Variants in STEAP4 observed in about 807,000 individuals in gnomAD.
STEAP4 encodes metalloreductase STEAP4.
A neutral mutation model predicts 43.6 loss-of-function variants in STEAP4; 36 were observed. The observed-to-expected ratio is 0.83, with a 90% CI of 0.63 to 1.09. The LOEUF is 1.09. Ranked by LOEUF, STEAP4 falls within the 50% of genes least tolerant of loss-of-function variation. STEAP4 has a pLI of 0.00. For missense variants in STEAP4, 495 were observed against 546.5 expected (o/e 0.91, Z 0.94); for synonymous variants, 191 against 196.7 (o/e 0.97, Z 0.24).
At position 88,282,969 on chromosome 7, in the gene STEAP4, A is replaced by G; in HGVS notation, c.656T>C (p.Val219Ala). The change falls in exon 3 of 5, where the codon GTT (valine) becomes GCT (alanine). Residue 219 changes from valine (V) to alanine (A), a missense_variant. Coordinates refer to ENST00000380079, the MANE Select transcript of STEAP4 (RefSeq NM_024636.4). ...ATAAGGGTAGATTACGTCTCTTATAACACAATAGAAAAACAAGAAGACACA... is the reference window on the plus strand; with the variant it reads ...ATAAGGGTAGATTACGTCTCTTATAGCACAATAGAAAAACAAGAAGACACA... ...VLCVFLFFYC[V>A]IRDVIYPYVY... The G allele has an allele frequency of 1.2e-6, 2 of 1,613,574 alleles. No individual in the cohort carries two copies. The highest frequency in any genetic ancestry group is 1.7e-6 in the Non-Finnish European group (2 of 1,179,764).
At position 88,283,813 on chromosome 7, in the gene STEAP4, C is replaced by T; in HGVS notation, c.456+1G>A. The T allele has an allele frequency of 6.2e-7, 1 of 1,608,078 alleles. No homozygotes were observed. Reference sequence around the variant, plus strand: ...TTGAGTGTAAATTTGTTTATTCTTACCTGCCGACTTGCATCCAGTGCTCCT... The same window carrying T: ...TTGAGTGTAAATTTGTTTATTCTTATCTGCCGACTTGCATCCAGTGCTCCT... On this transcript the variant is annotated splice_donor_variant, in intron 2 of 4. Coordinates refer to ENST00000380079, the MANE Select transcript of STEAP4 (RefSeq NM_024636.4). LOFTEE classifies it high-confidence loss of function.
intron 1 of STEAP4, among the ~76,000 whole-genome samples, chr7:88,294,277 G>A (rs902348251): frequency 1.1e-4 from 17 of 152,032 alleles, no homozygotes; most frequent in Admixed American, 7.2e-4. Context: ...CCTATTAAAC[G>A]GTTTGTATAA....
chr7:88,282,594 A>G (rs1165493213), intron 3 of STEAP4, 47 bp downstream of exon 3: 2 of 1,509,212 alleles, frequency 1.3e-6, no homozygotes, highest in Admixed American at 3.6e-5. Context: ...ATGTAGCAAT[A>G]GTCTCTGATT....
chr7:88,300,193 T>C (rs1403977965), intron 1 of STEAP4, among the ~76,000 whole-genome samples: 1 of 152,206 alleles, frequency 6.6e-6, no homozygotes, highest in Non-Finnish European at 1.5e-5. Flanking sequence ...CTCTTTCTTT[T>C]TAGTTTCAAG....
At chr7:88,290,657 ATTG>A (rs1852819851) in intron 1 of STEAP4, among the ~76,000 whole-genome samples, 1 of 152,150 alleles carries the variant, frequency 6.6e-6, no homozygotes, top group Non-Finnish European at 1.5e-5. Flanking sequence ...GCTGAAACTC[ATTG>A]TGCAACCCTT....
At position 88,273,065 on chromosome 7, in the gene STEAP4, A is replaced by G. The variant is rs1852460381; in HGVS notation, c.*6333T>C. 6.6e-6 allele frequency: 1 copy of G among 152,254 alleles called. No individual in the cohort carries two copies. The highest frequency in any genetic ancestry group is 2.1e-4 in the South Asian group (1 of 4,834). 9.4% of individuals were successfully genotyped at this position (152,254 alleles called of 1,614,324 possible). A position where few individuals can be genotyped will look rare whatever the true frequency, so the allele number is the denominator to read the frequency against. On this transcript the variant is annotated 3_prime_UTR_variant, in exon 5 of 5. Transcript: ENST00000380079. Reference sequence around the variant, plus strand: ...TATGTATGTACAATGTATAGTGATCAGATCAGTGTAATTAGCATATCCATC... The same window carrying G: ...TATGTATGTACAATGTATAGTGATCGGATCAGTGTAATTAGCATATCCATC...
chr7:88,286,254 T>A (rs1406879445), intron 1 of STEAP4, among the ~76,000 whole-genome samples: 1 of 152,206 alleles, frequency 6.6e-6, no homozygotes, highest in Non-Finnish European at 1.5e-5. Context: ...ACTGATAACA[T>A]ATACTGAGGC....
At chr7:88,296,638 C>T (rs577587484) in intron 1 of STEAP4, among the ~76,000 whole-genome samples, 187 of 152,218 alleles carry the variant, frequency 1.2e-3, no homozygotes, top group Non-Finnish European at 2.3e-3. Flanking sequence ...GCAACTATAT[C>T]AGTCTTCTTG....
chr7:88,292,265 T>C (rs1041143498), intron 1 of STEAP4: 2 of 152,010 alleles, frequency 1.3e-5, no homozygotes, highest in African/African-American at 4.8e-5. Flanking sequence ...ATGAGGATGT[T>C]AGAGCCAGCC....
intron 1 of STEAP4, among the ~76,000 whole-genome samples, chr7:88,299,204 A>G (rs1394677853): frequency 2.0e-5 from 3 of 152,224 alleles, no homozygotes; most frequent in Non-Finnish European, 4.4e-5. Flanking sequence ...TTCTAGTTCA[A>G]TTAAAAATCT....
chr7:88,306,529 A>C (rs576991291), intron 1 of STEAP4, among the ~76,000 whole-genome samples: 5 of 152,342 alleles, frequency 3.3e-5, no homozygotes, highest in African/African-American at 1.2e-4. Flanking sequence ...GCAGAGAAGA[A>C]TCTAACCCCT....
chr7:88,279,158 TG>T lies in STEAP4; in HGVS notation c.*239del. On this transcript the variant is annotated 3_prime_UTR_variant, in exon 5 of 5. Coordinates refer to ENST00000380079, the MANE Select transcript of STEAP4 (RefSeq NM_024636.4). ...GTCTCAATCTCAGCTCCATGGCCTCTGGGAAAATAAGAGTCAGGGACCTGCA... is the reference window on the plus strand; with the variant it reads ...GTCTCAATCTCAGCTCCATGGCCTCTGGAAAATAAGAGTCAGGGACCTGCA... 2.0e-6 allele frequency: 1 copy of T among 502,706 alleles called. No homozygotes were observed. Among genetic ancestry groups the T allele is most frequent in the Non-Finnish European group, 3.6e-6 (1 of 278,938 alleles). 31.1% of individuals were successfully genotyped at this position (502,706 alleles called of 1,614,324 possible).
intron 1 of STEAP4, among the ~76,000 whole-genome samples, chr7:88,289,496 G>A (rs1233855865): frequency 6.6e-6 from 1 of 152,112 alleles, no homozygotes; most frequent in Non-Finnish European, 1.5e-5. Flanking sequence ...TTTTCCTGGG[G>A]TTTCAGAAAT....
intron 1 of STEAP4, among the ~76,000 whole-genome samples, chr7:88,286,595 C>T (rs2115972610): frequency 6.6e-6 from 1 of 152,222 alleles, no homozygotes; most frequent in Middle Eastern, 3.4e-3. Context: ...GCCTATAGTC[C>T]CAGCTACTCT....
chr7:88,282,055 C>T (rs1012272037), intron 3 of STEAP4: 1 of 152,110 alleles, frequency 6.6e-6, no homozygotes, highest in African/African-American at 2.4e-5. Context: ...TTTCTTGAGC[C>T]ATGAAATCTG....
At chr7:88,293,821 CA>C (rs1454793760) in intron 1 of STEAP4, among the ~76,000 whole-genome samples, 2 of 152,052 alleles carry the variant, frequency 1.3e-5, no homozygotes, top group Non-Finnish European at 2.9e-5. Flanking sequence ...CCAATACCAA[CA>C]ATGTTGATGG....
intron 1 of STEAP4, among the ~76,000 whole-genome samples, chr7:88,296,676 C>T (rs1852928846): frequency 2.6e-5 from 4 of 152,000 alleles, no homozygotes; most frequent in African/African-American, 9.6e-5. Context: ...TTTAATATAT[C>T]CCAGGGACAA....
chr7:88,286,546 A>G (rs1852737413), intron 1 of STEAP4, among the ~76,000 whole-genome samples: 1 of 152,092 alleles, frequency 6.6e-6, no homozygotes, highest in Non-Finnish European at 1.5e-5. Flanking sequence ...TCATTCATTT[A>G]CCCAAAATGA....
At position 88,272,467 on chromosome 7, in the gene STEAP4, G is replaced by GAT. The variant is rs1310492934; in HGVS notation, c.*6929_*6930dup. 2.0e-5 allele frequency: 3 copies of GAT among 152,108 alleles called. No individual in the cohort carries two copies. Among genetic ancestry groups the GAT allele is most frequent in the African/African-American group, 7.2e-5 (3 of 41,398 alleles). The allele number at this position is 152,108 out of a possible 1,614,324, so 9.4% of individuals were successfully genotyped here. On this transcript the variant is annotated 3_prime_UTR_variant, in exon 5 of 5. Transcript: ENST00000380079. ...TCTTTTACAAGAAGCCTTGCCTCAG[G>GAT]ATCGGTTTTTAGAAGTGCCAAGCCA...
Sources: gnomAD v4.1 joint callset for allele counts (sites outside exome capture counted in the v4.1 genomes callset) on GRCh38, gnomAD v4.1.1 for gene constraint, MANE v1.5 for transcripts, NCBI Gene and HGNC (gene_info 2026-07-23, HGNC 2026-07-21) for gene names.